The following EHD1 variants were observed in gnomAD, a reference collection of about 807,000 sequenced individuals.
The protein encoded by EHD1 is EH domain containing 1.
Under a neutral mutation model 39.0 loss-of-function variants are expected in EHD1, and 19 were observed. The ratio of observed to expected loss-of-function variants is 0.49; its 90% confidence interval spans 0.34 to 0.72. The LOEUF is 0.72. EHD1 is among the 30% of genes least tolerant of loss of function. The probability of loss-of-function intolerance (pLI) is 0.01; values close to 1 mark genes in which losing one functional copy is unlikely to be tolerated. For missense variants in EHD1, 542 were observed against 751.5 expected, an observed-to-expected ratio of 0.72 and a Z score of 3.26; for synonymous variants, 323 against 331.2, an observed-to-expected ratio of 0.98 and a Z score of 0.27.
intron 2 of EHD1, among the ~76,000 whole-genome samples, chr11:64,860,948 C>T (rs113865214): frequency 0.053 from 7,691 of 145,344 alleles, 253 homozygotes; most frequent in African/African-American, 0.076. Context: ...TGAACCTGGG[C>T]GGCAGAGGTT....
At chr11:64,876,504 G>C (rs573295346) in intron 1 of EHD1, among the ~76,000 whole-genome samples, 1 of 152,298 alleles carries the variant, frequency 6.6e-6, no homozygotes, top group Admixed American at 6.5e-5. Context: ...TCAAAGCACC[G>C]GTCTCGGACA....
intron 2 of EHD1, among the ~76,000 whole-genome samples, 175 bp from the exon 3 acceptor site, chr11:64,860,511 G>T (rs1267633191): frequency 6.6e-6 from 1 of 152,170 alleles, no homozygotes; most frequent in Non-Finnish European, 1.5e-5. Flanking sequence ...AAGGTGGGAG[G>T]ATCACGAGGT....
At chr11:64,855,155 C>T (rs1943636061) in intron 4 of EHD1, 167 bp downstream of exon 4, 13 of 1,160,812 alleles carry the variant, frequency 1.1e-5, no homozygotes, top group Middle Eastern at 2.9e-4. Flanking sequence ...GCAGTGTCAC[C>T]GCCTGGGTCA....
rs755004310 is a variant in EHD1 at position 64,868,107 on chromosome 11, G to C, written c.502+6314C>G. Among the ~76,000 whole-genome samples, 2 of 152,216 alleles carry C rather than the reference G, an allele frequency of 1.3e-5. No individual in the cohort carries two copies. Among genetic ancestry groups the C allele is most frequent in the Non-Finnish European group, 1.5e-5 (1 of 68,036 alleles). ...CTCCAAAACACAGGTAGTTCCAGCC[G>C]CAGGGGGAAAAGCTGCTTTATACAT... On this transcript the variant is annotated intron_variant, in intron 2 of 4. Transcript: ENST00000320631. The surrounding 1 kb of genome is among the most constrained non-coding windows in gnomAD (Gnocchi z 4.2).
At chr11:64,864,407 C>G (rs75886382) in intron 2 of EHD1, among the ~76,000 whole-genome samples, 8,338 of 152,332 alleles carry the variant, frequency 0.055, 277 homozygotes, top group African/African-American at 0.085. Context: ...GCAGCTGGCT[C>G]TGAGCTCCAC....
In EHD1 at chr11:64,869,630, T is replaced by C. The variant is rs571043578; in HGVS notation, c.502+4791A>G. On this transcript the variant is annotated intron_variant, in intron 2 of 4. Coordinates refer to ENST00000320631, the MANE Select transcript of EHD1 (RefSeq NM_006795.4). Reference sequence around the variant, plus strand: ...GTGTTTCCTGATGGACTGATGCAGCTCCCAGGGACTACAGCAACTCCCTAG... The same window carrying C: ...GTGTTTCCTGATGGACTGATGCAGCCCCCAGGGACTACAGCAACTCCCTAG... Among the ~76,000 whole-genome samples the C allele has an allele frequency of 3.3e-5, 5 of 152,322 alleles. No individual in the cohort carries two copies. The East Asian group carries it at 9.6e-4, about 29-fold the overall frequency.
chr11:64,877,284 A>G (rs575668800), intron 1 of EHD1, among the ~76,000 whole-genome samples: 1 of 152,128 alleles, frequency 6.6e-6, no homozygotes, highest in Admixed American at 6.5e-5. Flanking sequence ...CCTGGAGCTC[A>G]CTCTCCTCGC....
chr11:64,867,357 T>C (rs1943778819), intron 2 of EHD1, among the ~76,000 whole-genome samples: 2 of 149,920 alleles, frequency 1.3e-5, no homozygotes, highest in African/African-American at 4.9e-5. Flanking sequence ...AGGCAGAGGC[T>C]GCAGTGAGCT....
intron 2 of EHD1, among the ~76,000 whole-genome samples, chr11:64,865,391 C>T (rs1031082955): frequency 2.0e-5 from 3 of 152,242 alleles, no homozygotes; most frequent in Admixed American, 6.5e-5. Context: ...AAGTACAGAA[C>T]AGGGCTTGCC....
At chr11:64,859,318 G>A (rs547022030) in intron 3 of EHD1, among the ~76,000 whole-genome samples, 1 of 152,294 alleles carries the variant, frequency 6.6e-6, no homozygotes, top group South Asian at 2.1e-4. Flanking sequence ...TCAGGAGTTT[G>A]AGACCAGCCT....
chr11:64,855,815 G>C (rs1943644958), intron 3 of EHD1: 2 of 341,412 alleles, frequency 5.9e-6, no homozygotes, highest in Non-Finnish European at 1.1e-5. Context: ...CCCAAAGAAG[G>C]CAATTTGTCG....
At position 64,878,482 on chromosome 11, in the gene EHD1, T is replaced by C; in HGVS notation, c.-18A>G. On this transcript the variant is annotated 5_prime_UTR_variant, in exon 1 of 5. Coordinates refer to ENST00000320631, the MANE Select transcript of EHD1 (RefSeq NM_006795.4). ...CTGAACATACTGCCGGACACGGGGC[T>C]GGCTGCTGCGGGGCAGAGCGGCGGC... 6.3e-7 allele frequency: 1 copy of C among 1,585,012 alleles called. No individual in the cohort carries two copies. The highest frequency in any genetic ancestry group is 8.6e-7 in the Non-Finnish European group (1 of 1,166,564).
rs368813242 is a variant in EHD1 at position 64,878,219 on chromosome 11, G to C, written c.246C>G (p.Asp82Glu). The change falls in exon 1 of 5, where the codon GAC (aspartate) becomes GAG (glutamate). Residue 82 changes from aspartate (D) to glutamate (E), a missense_variant. Coordinates refer to ENST00000320631, the MANE Select transcript of EHD1 (RefSeq NM_006795.4). ...TTFIRHLIEQDFPGMRIGPEP... is the reference protein window; with the variant it reads ...TTFIRHLIEQEFPGMRIGPEP... The stretch of plus-strand genomic sequence containing the variant: ...CGGGCCCGATGCGCATCCCCGGGAA[G>C]TCCTGCTCGATCAGGTGTCGGATGA... 64 of 1,613,346 alleles carry C rather than the reference G, an allele frequency of 4.0e-5. No individual in the cohort carries two copies. The highest frequency in any genetic ancestry group is 5.3e-5 in the Non-Finnish European group (63 of 1,179,450).
At position 64,854,570 on chromosome 11, in the gene EHD1, G is replaced by A. The variant is rs1401154190; in HGVS notation, c.1368C>T (p.Ser456=). The A allele has an allele frequency of 6.2e-7, 1 of 1,614,148 alleles. No individual in the cohort carries two copies. Among genetic ancestry groups the A allele is most frequent in the South Asian group, 1.1e-5 (1 of 91,088 alleles). The change falls in exon 5 of 5, where the codon TCC becomes TCT. Residue 456 remains serine (S), a synonymous_variant. Transcript: ENST00000320631. ...PTYDEIFYTL[S]PVNGKITGAN... The stretch of plus-strand genomic sequence containing the variant: ...CGCCCGTGATCTTGCCGTTGACAGG[G>A]GACAGCGTGTAGAAGATCTCGTCGT...
Position 64,854,155 on chromosome 11 carries a change from C to T in EHD1, c.*178G>A. The T allele has an allele frequency of 9.2e-7, 1 of 1,085,982 alleles. No homozygotes were observed. The highest frequency in any genetic ancestry group is 1.7e-5 in the South Asian group (1 of 59,780). 67.3% of individuals were successfully genotyped at this position (1,085,982 alleles called of 1,614,324 possible). ...TGCACACAATTCCATCCTCTCACCC[C>T]TGCCTCCCCCGCCAGGCCCAGGAAC... On this transcript the variant is annotated 3_prime_UTR_variant, in exon 5 of 5. Coordinates refer to ENST00000320631, the MANE Select transcript of EHD1 (RefSeq NM_006795.4).
Position 64,878,562 on chromosome 11 carries a change from G to C in EHD1, c.-98C>G, listed in dbSNP as rs12801172. ...GCGGGGCCGGCCGGGGCAGGGAATC[G>C]GGAGCGACCCACACTGCGCAGGCGC... On this transcript the variant is annotated 5_prime_UTR_variant, in exon 1 of 5. Coordinates refer to ENST00000320631, the MANE Select transcript of EHD1 (RefSeq NM_006795.4). 0.081 allele frequency: 118,780 copies of C among 1,463,310 alleles called. 8,794 individuals are homozygous for C. Among genetic ancestry groups the C allele is most frequent in the East Asian group, 0.49 (19,588 of 40,358 alleles). 90.6% of individuals were successfully genotyped at this position (1,463,310 alleles called of 1,614,324 possible). A position where few individuals can be genotyped will look rare whatever the true frequency, so the allele number is the denominator to read the frequency against.
chr11:64,857,316 C>T (rs1446420474), intron 3 of EHD1, among the ~76,000 whole-genome samples: 1 of 152,096 alleles, frequency 6.6e-6, no homozygotes, highest in Non-Finnish European at 1.5e-5. Context: ...CCCAGCTACT[C>T]AGGAGGCTGA....
chr11:64,867,545 C>T (rs1371100332), intron 2 of EHD1, among the ~76,000 whole-genome samples: 1 of 152,064 alleles, frequency 6.6e-6, no homozygotes, highest in Non-Finnish European at 1.5e-5. Context: ...ATGGTGAAAC[C>T]CTGTCTCTAC....
rs1234826647 is a variant in EHD1, at chr11:64,852,368, G to C, written c.*1965C>G. On this transcript the variant is annotated 3_prime_UTR_variant, in exon 5 of 5. Transcript: ENST00000320631. ...AAAGCCCAGAAACCCTTGTTTACTT[G>C]ATGCCACCCAGTGCCGAGGGCCTGC... 1.2e-5 allele frequency: 1 copy of C among 85,374 alleles called. No homozygotes were observed. The allele number at this position is 85,374 out of a possible 1,614,324, so 5.3% of individuals were successfully genotyped here.
Sources: allele counts gnomAD v4.1 joint callset (sites outside exome capture counted in the v4.1 genomes callset), GRCh38; gene constraint gnomAD v4.1.1; non-coding constraint Gnocchi (gnomAD v3.1); transcripts MANE v1.5; gene names NCBI Gene and HGNC (gene_info 2026-07-23, HGNC 2026-07-21).